Variants in RHOC observed in about 807,000 individuals in gnomAD.
The protein encoded by RHOC is ras homolog family member C, also known as rho-related GTP-binding protein RhoC.
In RHOC, 13 loss-of-function variants were observed where a neutral mutation model predicts 19.5. The ratio of observed to expected loss-of-function variants is 0.67; its 90% CI spans 0.43 to 1.06. The LOEUF (loss-of-function observed/expected upper bound fraction) is 1.06, where lower values mean the gene tolerates loss of function less well. RHOC is among the 50% of genes least tolerant of loss of function. The pLI is 0.00. For synonymous variants in RHOC, 106 were observed against 97.3 expected (o/e 1.09, Z -0.52); for missense variants, 173 against 256.9 (o/e 0.67, Z 2.23).
chr1:112,701,982 G>T (rs1674658135), intron 5 of RHOC, among the ~76,000 whole-genome samples: 1 of 152,110 alleles, frequency 6.6e-6, no homozygotes, highest in Non-Finnish European at 1.5e-5. Context: ...CCTCCTGACT[G>T]CTCTGCCTCC....
chr1:112,706,430 T>TCCACACACACACAC (rs1491269480), intron 1 of RHOC, among the ~76,000 whole-genome samples: 2 of 49,694 alleles, frequency 4.0e-5, no homozygotes, highest in Admixed American at 1.8e-4. Context: ...TCTCTCTCTC[T>TCCACACACACACAC]ACACACACAC....
intron 2 of RHOC, 36 bp downstream of exon 2, chr1:112,705,064 C>T: frequency 1.4e-6 from 1 of 702,604 alleles, no homozygotes; most frequent in Non-Finnish European, 2.6e-6. Context: ...TTCGCAGCTT[C>T]CCTCACTTCC....
In RHOC at chr1:112,701,132, T is replaced by C; in HGVS notation, c.*408A>G. ...AAAGACCGAAAGCTGCCACACACGTTGGAGCCTGTAGCCTTTATTCATGCC... is the reference window on the plus strand; with the variant it reads ...AAAGACCGAAAGCTGCCACACACGTCGGAGCCTGTAGCCTTTATTCATGCC... On this transcript the variant is annotated 3_prime_UTR_variant, in exon 6 of 6. Coordinates refer to ENST00000339083, the MANE Select transcript of RHOC (RefSeq NM_175744.5). 2.2e-6 allele frequency: 1 copy of C among 444,832 alleles called. No individual in the cohort carries two copies. Among genetic ancestry groups the C allele is most frequent in the South Asian group, 3.2e-5 (1 of 31,652 alleles). 27.6% of individuals were successfully genotyped at this position (444,832 alleles called of 1,614,324 possible).
chr1:112,703,087 C>T lies in RHOC; in HGVS notation c.189G>A (p.Gln63=). Residue 63 remains glutamine, a synonymous_variant, in exon 4 of 6, where the codon CAG becomes CAA. Transcript: ENST00000339083. The part of the protein sequence containing the change: ...VELALWDTAG[Q]EDYDRLRPLS... ...GAGGCCGCAGTCGATCATAGTCTTC[C>T]TGCCCTGCTGTGTCCCACAGAGCCA... 3 of 1,614,200 alleles carry T rather than the reference C, an allele frequency of 1.9e-6. No individual in the cohort carries two copies. Among genetic ancestry groups the T allele is most frequent in the Non-Finnish European group, 2.5e-6 (3 of 1,180,026 alleles).
chr1:112,705,262 G>A (rs987056018), intron 1 of RHOC, 94 bp from the exon 2 acceptor site: 2 of 686,312 alleles, frequency 2.9e-6, no homozygotes, highest in African/African-American at 1.8e-5. Flanking sequence ...ACCAGGCAGG[G>A]AGCAGTTAAG....
chr1:112,705,133 G>A lies in RHOC; in HGVS notation c.-41C>T. 1.4e-6 allele frequency: 1 copy of A among 702,526 alleles called. No individual in the cohort carries two copies. The allele number at this position is 702,526 out of a possible 1,614,324, so 43.5% of individuals were successfully genotyped here. ...GGCTGAAGTTCCCAGGCTGCAGGAAGAGAGGGCGGGCTCTGGAGCTGAGAT... is the reference window on the plus strand; with the variant it reads ...GGCTGAAGTTCCCAGGCTGCAGGAAAAGAGGGCGGGCTCTGGAGCTGAGAT... On this transcript the variant is annotated 5_prime_UTR_variant, in exon 2 of 6. Transcript: ENST00000339083.
chr1:112,701,519 G>A lies in RHOC; in HGVS notation c.*21C>T, dbSNP rs764951682. ...GTACCCCTGTGAAGGGAGGGGGCAT[G>A]TAGGAAAGGCCTTGGGGATCTCAGA... On this transcript the variant is annotated 3_prime_UTR_variant, in exon 6 of 6. Coordinates refer to ENST00000339083, the MANE Select transcript of RHOC (RefSeq NM_175744.5). 3 of 1,614,098 alleles carry A rather than the reference G, an allele frequency of 1.9e-6. No homozygotes were observed. Among genetic ancestry groups the A allele is most frequent in the Non-Finnish European group, 2.5e-6 (3 of 1,179,984 alleles).
At chr1:112,705,276 G>A (rs34731458) in intron 1 of RHOC, 108 bp from the exon 2 acceptor site, 50,573 of 680,904 alleles carry the variant, frequency 0.074, 2,278 homozygotes, top group South Asian at 0.096. Flanking sequence ...AGTTAAGAAA[G>A]CGACGGTAAC....
At chr1:112,703,248 A>G in intron 3 of RHOC, 129 bp from the exon 4 acceptor site, 2 of 995,288 alleles carry the variant, frequency 2.0e-6, no homozygotes, top group South Asian at 1.5e-5. Context: ...ACCAGGCATT[A>G]TATTAATCAC....
Position 112,701,426 on chromosome 1 carries a change from G to C in RHOC, c.*114C>G. 6.2e-7 allele frequency: 1 copy of C among 1,606,184 alleles called. No individual in the cohort carries two copies. The highest frequency in any genetic ancestry group is 8.5e-7 in the Non-Finnish European group (1 of 1,176,186). ...GAAAACAATGCAGTCCTGGGCAGGA[G>C]GGAACTGAAAATGGGAGCCTTCAGC... On this transcript the variant is annotated 3_prime_UTR_variant, in exon 6 of 6. Transcript: ENST00000339083.
Position 112,706,462 on chromosome 1 carries a change from CACCACACACACACACACACA to C in RHOC, c.-77+596_-77+615del, listed in dbSNP as rs1557780598. Reference sequence around the variant, plus strand: ...ACACACACACACACACACACACACACACCACACACACACACACACACACACACACACACACACACACACAC... The same window carrying C: ...ACACACACACACACACACACACACACCACACACACACACACACACACACAC... On this transcript the variant is annotated intron_variant, in intron 1 of 5. Transcript: ENST00000339083. Among the ~76,000 whole-genome samples the C allele has an allele frequency of 5.2e-4, 9 of 17,184 alleles. No individual in the cohort carries two copies. The East Asian group carries it at 5.8e-3, about 11-fold the overall frequency. The allele number at this position is 17,184 out of a possible 152,430, so 11.3% of individuals were successfully genotyped here. A position where few individuals can be genotyped will look rare whatever the true frequency, so the allele number is the denominator to read the frequency against.
chr1:112,703,790 T>A lies in RHOC; in HGVS notation c.10A>T (p.Ile4Phe), dbSNP rs549460700. ...CCAACGATCACCAGCTTCTTTCGGATTGCAGCCATGGTGGGGCTGCCAGGA... is the reference window on the plus strand; with the variant it reads ...CCAACGATCACCAGCTTCTTTCGGAATGCAGCCATGGTGGGGCTGCCAGGA... MAA[I>F]RKKLVIVGDG... is the part of the protein sequence containing the mutation. Residue 4 changes from isoleucine (I) to phenylalanine (F), a missense_variant, in exon 3 of 6, where the codon ATC becomes TTC. By Grantham distance (21) the Ile-to-Phe change is conservative. Transcript: ENST00000339083. 1 of 1,611,364 alleles carries A rather than the reference T, an allele frequency of 6.2e-7. No individual in the cohort carries two copies. The highest frequency in any genetic ancestry group is 8.5e-7 in the Non-Finnish European group (1 of 1,179,112).
chr1:112,706,486 A>ACACACAC (rs1674882435), intron 1 of RHOC, among the ~76,000 whole-genome samples: 2 of 17,654 alleles, frequency 1.1e-4, no homozygotes, highest in African/African-American at 1.9e-4. Flanking sequence ...ACACACACAC[A>ACACACAC]CACACACACA....
At chr1:112,702,767 T>G in intron 4 of RHOC, 74 bp from the exon 5 acceptor site, 1 of 1,581,744 alleles carries the variant, frequency 6.3e-7, no homozygotes, top group South Asian at 1.1e-5. Flanking sequence ...GGCCCTCATC[T>G]TCCCAGAGCA....
In RHOC at chr1:112,701,622, A is replaced by G; in HGVS notation, c.500T>C (p.Val167Ala). 6.2e-7 allele frequency: 1 copy of G among 1,613,474 alleles called. No individual in the cohort carries two copies. The highest frequency in any genetic ancestry group is 8.5e-7 in the Non-Finnish European group (1 of 1,179,886). The change falls in exon 6 of 6, where the codon GTG becomes GCG. Residue 167 changes from valine (V) to alanine (A), a missense_variant. Val to Ala is a moderately conservative substitution (Grantham distance 64). Transcript: ENST00000339083. ...LECSAKTKEG[V>A]REVFEMATRA... is the part of the protein sequence containing the mutation. ...AGTGGCCATCTCAAACACCTCCCGCACTCCCTCCTTGGTCTTGGCTGAGCA... is the reference window on the plus strand; with the variant it reads ...AGTGGCCATCTCAAACACCTCCCGCGCTCCCTCCTTGGTCTTGGCTGAGCA...
chr1:112,702,733 T>C, intron 4 of RHOC, 40 bp from the exon 5 acceptor site: 3 of 1,612,382 alleles, frequency 1.9e-6, no homozygotes, highest in African/African-American at 1.3e-5. Context: ...TGCCTCCACT[T>C]AAGCTAGAAA....
At chr1:112,706,478 A>ACAC (rs1674876232) in intron 1 of RHOC, among the ~76,000 whole-genome samples, 1 of 5,126 alleles carries the variant, frequency 2.0e-4, no homozygotes, top group African/African-American at 5.7e-4. Context: ...ACACACACAC[A>ACAC]CACACACACA....
At chr1:112,706,454 CACA>C (rs1674857414) in intron 1 of RHOC, among the ~76,000 whole-genome samples, 2 of 95,386 alleles carry the variant, frequency 2.1e-5, no homozygotes, top group Non-Finnish European at 4.4e-5. Flanking sequence ...CACACACACA[CACA>C]CACACACCAC....
In RHOC at chr1:112,703,686, G is replaced by C. The variant is rs939131156; in HGVS notation, c.114C>G (p.Val38=). Residue 38 remains valine (V), a synonymous_variant, in exon 3 of 6, where the codon GTC becomes GTG. Transcript: ENST00000339083. ...CAATGTCCGCAATATAGTTCTCAAA[G>C]ACAGTAGGGACGTAGACCTCCGGAA... is the stretch of plus-strand genomic sequence containing the variant. ...DQFPEVYVPT[V]FENYIADIEV... is the part of the protein sequence containing the mutation. The C allele has an allele frequency of 6.2e-7, 1 of 1,613,634 alleles. No homozygotes were observed. The highest frequency in any genetic ancestry group is 1.7e-5 in the Admixed American group (1 of 59,984).
Sources: gnomAD v4.1 joint callset for allele counts (sites outside exome capture counted in the v4.1 genomes callset) on GRCh38, gnomAD v4.1.1 for gene constraint, MANE v1.5 for transcripts, NCBI Gene and HGNC (gene_info 2026-07-23, HGNC 2026-07-21) for gene names.